Variants in TAF12 observed in about 807,000 individuals in gnomAD.
The protein encoded by TAF12 is transcription initiation factor TFIID subunit 12.
A neutral mutation model predicts 20.8 loss-of-function variants in TAF12; 3 were observed. The ratio of observed to expected loss-of-function variants is 0.14; its 90% CI spans 0.07 to 0.37. The LOEUF (loss-of-function observed/expected upper bound fraction) is 0.37. TAF12 is among the 10% of genes least tolerant of loss of function. The probability of loss-of-function intolerance (pLI) is 1.00; values close to 1 mark genes in which losing one functional copy is unlikely to be tolerated. For missense variants in TAF12, 131 were observed against 197.9 expected (o/e 0.66, Z 2.03); for synonymous variants, 69 against 70.2 (o/e 0.98, Z 0.09).
chr1:28,605,242 T>G, intron 5 of TAF12, 130 bp downstream of exon 5: 1 of 874,490 alleles, frequency 1.1e-6, no homozygotes, highest in Non-Finnish European at 1.8e-6. Flanking sequence ...TCTCTGACCC[T>G]TGCTCCAGAG....
At chr1:28,622,218 G>C in intron 1 of TAF12, 53 bp from the exon 2 acceptor site, 3 of 1,411,530 alleles carry the variant, frequency 2.1e-6, no homozygotes, top group African/African-American at 1.5e-5. Flanking sequence ...AATAAAGGAT[G>C]AATCTTGAGA....
At chr1:28,608,885 GAGCCGAGGTCAC>G (rs896527782) in intron 4 of TAF12, among the ~76,000 whole-genome samples, 15 of 151,874 alleles carry the variant, frequency 9.9e-5, no homozygotes, top group Admixed American at 4.6e-4. Flanking sequence ...AGGTTGCAGT[GAGCCGAGGTCAC>G]ACCCTTGCAT....
chr1:28,636,948 G>A (rs1218966252), intron 1 of TAF12, among the ~76,000 whole-genome samples: 1 of 152,154 alleles, frequency 6.6e-6, no homozygotes, highest in Non-Finnish European at 1.5e-5. Flanking sequence ...TAGCCACCAT[G>A]CTCCAGCCTG....
At position 28,621,899 on chromosome 1, in the gene TAF12, G is replaced by A. The variant is rs754383510; in HGVS notation, c.168+15C>T. 3.1e-6 allele frequency: 5 copies of A among 1,611,174 alleles called. No individual in the cohort carries two copies. The highest frequency in any genetic ancestry group is 4.2e-6 in the Non-Finnish European group (5 of 1,179,198). On this transcript the variant is annotated intron_variant, in intron 2 of 5. Coordinates refer to ENST00000373824, the MANE Select transcript of TAF12 (RefSeq NM_005644.4). Reference sequence around the variant, plus strand: ...AAGAAGTGGCTACAGAGAAGAAAGAGTAAGAGGATGATACCTGATTGTTTT... The same window carrying A: ...AAGAAGTGGCTACAGAGAAGAAAGAATAAGAGGATGATACCTGATTGTTTT...
rs375713621 is a variant in TAF12, at chr1:28,642,670, G to C, written c.-85+322C>G. The C allele has an allele frequency of 3.0e-6, 3 of 985,330 alleles. No individual in the cohort carries two copies. The African/African-American group carries it at 5.2e-5, about 17-fold the overall frequency. The allele number at this position is 985,330 out of a possible 1,614,324, so 61.0% of individuals were successfully genotyped here. A position where few individuals can be genotyped will look rare whatever the true frequency, so the allele number is the denominator to read the frequency against. Reference sequence around the variant, plus strand: ...CCACTTTTACCTCTCCGGAGCCTGTGTCTTCACGCCCCGTTCCTTTCTGAC... The same window carrying C: ...CCACTTTTACCTCTCCGGAGCCTGTCTCTTCACGCCCCGTTCCTTTCTGAC... On this transcript the variant is annotated intron_variant, in intron 1 of 5. Transcript: ENST00000373824.
chr1:28,623,827 A>C, intron 1 of TAF12: 1 of 291,414 alleles, frequency 3.4e-6, no homozygotes, highest in Non-Finnish European at 5.1e-6. Context: ...AGTCTGGAGC[A>C]GCTGAGACTC....
chr1:28,644,671 A>G (rs1557479171), upstream of TAF12, among the ~76,000 whole-genome samples: 1 of 152,250 alleles, frequency 6.6e-6, no homozygotes. Context: ...AATAAGCCAG[A>G]CTTATCTAGC....
chr1:28,607,500 G>A (rs1177647965), intron 4 of TAF12, among the ~76,000 whole-genome samples: 1 of 152,012 alleles, frequency 6.6e-6, no homozygotes, highest in Non-Finnish European at 1.5e-5. Flanking sequence ...GTGAAACCTG[G>A]TGTCTACTAA....
At chr1:28,623,205 T>C (rs1460604019) in intron 1 of TAF12, among the ~76,000 whole-genome samples, 1 of 151,716 alleles carries the variant, frequency 6.6e-6, no homozygotes, top group Non-Finnish European at 1.5e-5. Context: ...AGTGAGACAC[T>C]ATCTAAAAAT....
chr1:28,620,814 T>TA (rs55726346), intron 2 of TAF12, among the ~76,000 whole-genome samples: 33,484 of 151,802 alleles, frequency 0.22, 4,101 homozygotes, highest in Middle Eastern at 0.32. Flanking sequence ...ACCCTTTCTC[T>TA]AAAAAAAATG....
intron 1 of TAF12, chr1:28,642,661 G>A: frequency 1.0e-6 from 1 of 985,322 alleles, no homozygotes; most frequent in Non-Finnish European, 1.2e-6. Context: ...TTACCTCTCC[G>A]GAGCCTGTGT....
chr1:28,634,382 C>T lies in TAF12; in HGVS notation c.-85+8610G>A, dbSNP rs564824800. ...AGTAGGCCGAGATCACACCACTGCACTCCAGCTTGGGCGACAGAGCGAGAC... is the reference window on the plus strand; with the variant it reads ...AGTAGGCCGAGATCACACCACTGCATTCCAGCTTGGGCGACAGAGCGAGAC... On this transcript the variant is annotated intron_variant, in intron 1 of 5. Coordinates refer to ENST00000373824, the MANE Select transcript of TAF12 (RefSeq NM_005644.4). Among the ~76,000 whole-genome samples the T allele has an allele frequency of 3.4e-5, 5 of 144,942 alleles. No homozygotes were observed. The Admixed American group carries it at 3.5e-4, about 10-fold the overall frequency.
intron 1 of TAF12, among the ~76,000 whole-genome samples, chr1:28,635,078 A>G (rs1392235856): frequency 6.7e-6 from 1 of 148,374 alleles, no homozygotes; most frequent in East Asian, 2.0e-4. Context: ...AAAATACAAA[A>G]AATTAGACAG....
intron 2 of TAF12, among the ~76,000 whole-genome samples, chr1:28,620,681 C>G (rs975579521): frequency 1.3e-5 from 2 of 152,096 alleles, no homozygotes; most frequent in African/African-American, 4.8e-5. Context: ...GATCCGCCCA[C>G]CTCGGCCTCC....
chr1:28,621,815 G>A (rs1383034903), intron 2 of TAF12, 99 bp downstream of exon 2: 2 of 1,504,822 alleles, frequency 1.3e-6, no homozygotes, highest in African/African-American at 2.9e-5. Context: ...TCGGCTAAGA[G>A]AAAAAAGCAG....
chr1:28,619,821 G>A (rs919752183), intron 2 of TAF12, among the ~76,000 whole-genome samples: 1 of 151,370 alleles, frequency 6.6e-6, no homozygotes, highest in African/African-American at 2.4e-5. Flanking sequence ...CATGGTGTGG[G>A]TGCCTATAAT....
At chr1:28,648,221 T>C (rs1214797469) in exon 1 of TAF12, 25 of 985,178 alleles carry the variant, frequency 2.5e-5, no homozygotes, top group Non-Finnish European at 3.0e-5. Flanking sequence ...TGAGAGCCGG[T>C]ATTCCAACGC....
chr1:28,607,480 G>A, intron 4 of TAF12, among the ~76,000 whole-genome samples: 1 of 152,118 alleles, frequency 6.6e-6, no homozygotes, highest in East Asian at 1.9e-4. Flanking sequence ...AGACCAGTCT[G>A]GCCAACATGG....
chr1:28,606,988 G>A (rs1343414465), intron 4 of TAF12, among the ~76,000 whole-genome samples: 1 of 152,224 alleles, frequency 6.6e-6, no homozygotes, highest in Non-Finnish European at 1.5e-5. Flanking sequence ...CCACACCACA[G>A]TTCCATGACC....
Sources: gnomAD v4.1 joint callset for allele counts (sites outside exome capture counted in the v4.1 genomes callset) on GRCh38, gnomAD v4.1.1 for gene constraint, MANE v1.5 for transcripts, NCBI Gene and HGNC (gene_info 2026-07-23, HGNC 2026-07-21) for gene names.